Variants in ADGRG2 observed in about 807,000 individuals in gnomAD.
ADGRG2 encodes adhesion G protein-coupled receptor G2.
In ADGRG2, 26 loss-of-function variants were observed where a neutral mutation model predicts 74.1. The ratio of observed to expected loss-of-function variants is 0.35; its 90% CI spans 0.26 to 0.49. ADGRG2 has a LOEUF of 0.49. ADGRG2 is among the 20% of genes least tolerant of loss of function. ADGRG2 has a pLI of 0.99. For missense variants in ADGRG2, 619 were observed against 763.1 expected, an observed-to-expected ratio of 0.81 and a Z score of 2.22; for synonymous variants, 296 against 295.2, an observed-to-expected ratio of 1.00 and a Z score of -0.03.
intron 2 of ADGRG2, among the ~76,000 whole-genome samples, chrX:19,080,272 G>T (rs1044144784): frequency 9.0e-6 from 1 of 110,954 alleles, no homozygotes; most frequent in African/African-American, 3.3e-5. Context: ...TCTCATACCT[G>T]CGATCTACCA....
rs1422668712 is a variant in ADGRG2 at position 19,019,650 on chromosome X, G to T, written c.659C>A (p.Ser220Tyr). 7 of 1,161,647 alleles carry T rather than the reference G, an allele frequency of 6.0e-6. No homozygotes were observed. In the African/African-American group the frequency reaches 1.3e-4, roughly 21 times the overall value. The change falls in exon 15 of 29, where the codon TCT becomes TAT. Residue 220 changes from serine (S) to tyrosine (Y), a missense_variant. Physicochemically the swap from Ser to Tyr is moderately radical, Grantham distance 144. Around this residue, in one of 3 missense-constraint regions of ADGRG2, gnomAD observed 292 missense variants for 318.0 expected, o/e 0.92. Transcript: ENST00000379869. Reference protein sequence around the residue: ...KIRPMEHCCCSVRIPCPSSPE... With the variant: ...KIRPMEHCCCYVRIPCPSSPE... ...GGAGGAAGGGCAGGGTATCCTGACA[G>T]AACAGCAGCAGTGTTCTAGGAGAGA...
intron 3 of ADGRG2, among the ~76,000 whole-genome samples, chrX:19,055,729 GA>G (rs1291897279): frequency 9.4e-5 from 10 of 106,394 alleles, no homozygotes; most frequent in Admixed American, 4.0e-4. Flanking sequence ...TCAGGTGGGA[GA>G]TTTTTTTTTT....
chrX:19,041,097 C>T (rs911506494), intron 3 of ADGRG2, among the ~76,000 whole-genome samples: 2 of 111,325 alleles, frequency 1.8e-5, no homozygotes, highest in African/African-American at 6.5e-5. Flanking sequence ...TTTCTCATGA[C>T]AATATATCAT....
chrX:19,084,276 CACAG>C (rs2061902374), intron 1 of ADGRG2, among the ~76,000 whole-genome samples: 1 of 107,372 alleles, frequency 9.3e-6, no homozygotes, highest in African/African-American at 3.4e-5. Context: ...CATGTGAACA[CACAG>C]ACACATGGAG....
At chrX:19,067,987 G>A (rs1028606732) in intron 3 of ADGRG2, among the ~76,000 whole-genome samples, 3 of 112,468 alleles carry the variant, frequency 2.7e-5, no homozygotes, top group African/African-American at 9.7e-5. Flanking sequence ...GCATTGTCAA[G>A]AATGGGAGAC....
chrX:19,075,374 T>C (rs1411353349), intron 2 of ADGRG2, among the ~76,000 whole-genome samples: 1 of 110,553 alleles, frequency 9.0e-6, no homozygotes, highest in Non-Finnish European at 1.9e-5. Flanking sequence ...CCCAGCACTT[T>C]GGGAGGCCGA....
At chrX:18,995,902 C>T (rs1296675179) in intron 27 of ADGRG2, 149 bp downstream of exon 27, 5 of 381,466 alleles carry the variant, frequency 1.3e-5, no homozygotes, top group Middle Eastern at 4.5e-4. Context: ...TTTTTTCTCC[C>T]TAATGTTCAC....
chrX:19,021,424 CA>C, intron 13 of ADGRG2: 2 of 434,500 alleles, frequency 4.6e-6, no homozygotes, highest in Non-Finnish European at 8.4e-6. Context: ...ACAGAGGTTG[CA>C]AACCAGAGAC....
intron 1 of ADGRG2, among the ~76,000 whole-genome samples, chrX:19,087,983 T>A (rs2061959987): frequency 9.0e-6 from 1 of 110,505 alleles, no homozygotes; most frequent in Non-Finnish European, 1.9e-5. Context: ...GAAGAGAGTA[T>A]CAAAGACCAC....
Position 19,030,988 on chromosome X carries a change from G to A in ADGRG2, c.354C>T (p.Asp118=). The change falls in exon 9 of 29, where the codon GAC becomes GAT. Residue 118 remains aspartate, a synonymous_variant. Coordinates refer to ENST00000379869, the MANE Select transcript of ADGRG2 (RefSeq NM_001079858.3). The part of the protein sequence containing the change: ...NICNLSSICN[D]SAFFRGEIMF... ...GTAATGTACACAAGAACTAACCTGA[G>A]TCATTGCAAATAGATGACAAATTGC... The A allele has an allele frequency of 8.5e-7, 1 of 1,174,121 alleles. No homozygotes were observed. The highest frequency in any genetic ancestry group is 1.2e-6 in the Non-Finnish European group (1 of 861,870).
chrX:19,045,287 G>A (rs749559679), intron 3 of ADGRG2, among the ~76,000 whole-genome samples: 1 of 59,185 alleles, frequency 1.7e-5, no homozygotes, highest in South Asian at 7.6e-4. Context: ...CAGAAATGGG[G>A]GGTGTTGTTA....
chrX:19,018,453 C>T (rs754829704), intron 15 of ADGRG2, among the ~76,000 whole-genome samples: 11 of 111,276 alleles, frequency 9.9e-5, no homozygotes, highest in Admixed American at 5.8e-4. Context: ...GGCTATATCC[C>T]AGGCCAATTA....
chrX:19,119,859 G>A (rs1474912131), intron 1 of ADGRG2, among the ~76,000 whole-genome samples: 3 of 111,262 alleles, frequency 2.7e-5, no homozygotes, highest in East Asian at 2.8e-4. Context: ...TGCCAAACCC[G>A]CCAATGAAAT....
chrX:19,023,532 C>A, intron 12 of ADGRG2, 79 bp from the exon 13 acceptor site: 1 of 568,029 alleles, frequency 1.8e-6, no homozygotes, highest in Non-Finnish European at 2.9e-6. Context: ...AGACCTAAGG[C>A]TAATCACAGA....
intron 1 of ADGRG2, among the ~76,000 whole-genome samples, chrX:19,112,353 G>A (rs772248483): frequency 1.8e-3 from 197 of 110,897 alleles, no homozygotes; most frequent in African/African-American, 5.6e-3. Flanking sequence ...GATTACAGGC[G>A]TGAGCCACCA....
At chrX:19,083,170 ATT>A (rs58522004) in intron 1 of ADGRG2, among the ~76,000 whole-genome samples, 12 of 83,170 alleles carry the variant, frequency 1.4e-4, no homozygotes, top group African/African-American at 3.8e-4. Context: ...CACCCGGCTA[ATT>A]TTTTTTTTTT....
intron 24 of ADGRG2, among the ~76,000 whole-genome samples, chrX:19,001,665 T>G (rs1190723163): frequency 1.8e-5 from 2 of 111,603 alleles, no homozygotes; most frequent in South Asian, 3.8e-4. Flanking sequence ...GAAAGGGTGT[T>G]GTTCTGTTGT....
At chrX:18,991,601 C>T (rs1338936814) in intron 28 of ADGRG2, among the ~76,000 whole-genome samples, 1 of 112,046 alleles carries the variant, frequency 8.9e-6, no homozygotes, top group African/African-American at 3.2e-5. Context: ...CTGACTAAAT[C>T]AGGACAGGAC....
chrX:19,055,285 T>C (rs867924920), intron 3 of ADGRG2, among the ~76,000 whole-genome samples: 17 of 111,248 alleles, frequency 1.5e-4, no homozygotes, highest in Admixed American at 2.8e-4. Flanking sequence ...TGTGTGTGTG[T>C]GCGCGCGCAC....
Sources: gnomAD v4.1 joint callset for allele counts (sites outside exome capture counted in the v4.1 genomes callset) on GRCh38, gnomAD v4.1.1 for gene constraint, gnomAD v4.1.1 regional missense constraint, MANE v1.5 for transcripts, NCBI Gene and HGNC (gene_info 2026-07-23, HGNC 2026-07-21) for gene names.